The following PDE11A variants were observed in gnomAD, a reference collection of about 807,000 sequenced individuals.
The protein encoded by PDE11A is dual 3',5'-cyclic-AMP and -GMP phosphodiesterase 11A.
Under a neutral mutation model 100.5 loss-of-function variants are expected in PDE11A, and 100 were observed. The observed-to-expected ratio is 1.00, with a 90% CI of 0.85 to 1.18. The LOEUF (loss-of-function observed/expected upper bound fraction) is 1.18. Ranked by LOEUF, PDE11A falls within the 50% of genes most tolerant of loss-of-function variation. The probability of loss-of-function intolerance (pLI) is 0.00; values close to 1 mark genes in which losing one functional copy is unlikely to be tolerated. For synonymous variants in PDE11A, 381 were observed against 420.8 expected (o/e 0.91, Z 1.16); for missense variants, 1,141 against 1,152.6 (o/e 0.99, Z 0.15).
At chr2:177,982,213 G>C (rs1000059475) in intron 2 of PDE11A, among the ~76,000 whole-genome samples, 2 of 150,542 alleles carry the variant, frequency 1.3e-5, no homozygotes, top group Non-Finnish European at 1.5e-5. Context: ...TAAATGTCTT[G>C]AGTGAGTAAT....
chr2:177,958,684 C>T lies in PDE11A; in HGVS notation c.1072-53497G>A, dbSNP rs375011397. Among the ~76,000 whole-genome samples the T allele has an allele frequency of 1.5e-4, 23 of 152,248 alleles. No homozygotes were observed. The South Asian group carries it at 1.7e-3, about 11-fold the overall frequency. ...TTCACCAGAATCAAGCCTTAAGGAA[C>T]GGACATAATTCCTTAAACTGAGCAA... On this transcript the variant is annotated intron_variant, in intron 2 of 19. Transcript: ENST00000286063.
chr2:178,086,810 A>C (rs906264955), intron 2 of PDE11A, among the ~76,000 whole-genome samples: 4 of 152,214 alleles, frequency 2.6e-5, no homozygotes, highest in African/African-American at 9.6e-5. Flanking sequence ...GATTTTGTGA[A>C]ACCAGGACCC....
chr2:177,834,822 A>T (rs1032640819), intron 6 of PDE11A, among the ~76,000 whole-genome samples: 2 of 151,990 alleles, frequency 1.3e-5, no homozygotes, highest in Non-Finnish European at 2.9e-5. Context: ...AGCCTTGCAG[A>T]TATAGGGAGC....
chr2:177,801,455 C>A (rs1228043590), intron 9 of PDE11A, among the ~76,000 whole-genome samples: 4 of 152,026 alleles, frequency 2.6e-5, no homozygotes, highest in Non-Finnish European at 4.4e-5. Flanking sequence ...TAGACAACAA[C>A]AGAGATGGTT....
At chr2:177,933,684 T>A (rs893351562) in intron 2 of PDE11A, among the ~76,000 whole-genome samples, 2 of 151,600 alleles carry the variant, frequency 1.3e-5, no homozygotes, top group South Asian at 2.1e-4. Flanking sequence ...CCATAAAAAA[T>A]AAATAAATAA....
At chr2:177,718,145 T>A (rs976633948) in intron 12 of PDE11A, among the ~76,000 whole-genome samples, 1 of 152,254 alleles carries the variant, frequency 6.6e-6, no homozygotes, top group Non-Finnish European at 1.5e-5. Flanking sequence ...GTGCTTAGTA[T>A]ATGCCGGGCA....
At chr2:177,699,363 C>T (rs1182880511) in intron 14 of PDE11A, among the ~76,000 whole-genome samples, 1 of 152,172 alleles carries the variant, frequency 6.6e-6, no homozygotes, top group Admixed American at 6.5e-5. Context: ...GGACCACCGT[C>T]GCACCAATGT....
chr2:177,657,417 A>T (rs2080406095), intron 19 of PDE11A, among the ~76,000 whole-genome samples: 2 of 152,208 alleles, frequency 1.3e-5, no homozygotes, highest in African/African-American at 4.8e-5. Flanking sequence ...TCAGCTTTGA[A>T]AAAGAATAGC....
At position 178,094,935 on chromosome 2, in the gene PDE11A, C is replaced by T. The variant is rs151069850; in HGVS notation, c.162+9367G>A. Among the ~76,000 whole-genome samples, 589 of 152,268 alleles carry T rather than the reference C, an allele frequency of 3.9e-3. 7 individuals carry two copies. Among genetic ancestry groups the T allele is most frequent in the African/African-American group, 0.014 (568 of 41,556 alleles). Reference sequence around the variant, plus strand: ...GAGAACAGCATGGGGGAAACTGCCCCCATGATCCAATCACCTCCCACCAGG... The same window carrying T: ...GAGAACAGCATGGGGGAAACTGCCCTCATGATCCAATCACCTCCCACCAGG... On this transcript the variant is annotated intron_variant, in intron 2 of 20. Coordinates refer to the PDE11A transcript ENST00000358450.
chr2:177,966,772 A>T (rs1183725451), intron 2 of PDE11A, among the ~76,000 whole-genome samples: 1 of 151,978 alleles, frequency 6.6e-6, no homozygotes, highest in Non-Finnish European at 1.5e-5. Flanking sequence ...TTTTTTGAGA[A>T]TTTTTACATT....
At chr2:177,778,176 C>A (rs1472465965) in intron 9 of PDE11A, among the ~76,000 whole-genome samples, 1 of 152,204 alleles carries the variant, frequency 6.6e-6, no homozygotes, top group East Asian at 1.9e-4. Flanking sequence ...AAACAATGGG[C>A]AGAGCTATGA....
intron 9 of PDE11A, among the ~76,000 whole-genome samples, chr2:177,792,360 A>G (rs2082645076): frequency 6.6e-6 from 1 of 152,218 alleles, no homozygotes; most frequent in Non-Finnish European, 1.5e-5. Flanking sequence ...TATAACTTAT[A>G]TAACTAGAAC....
At chr2:178,089,832 GT>G (rs1388698650) in intron 2 of PDE11A, among the ~76,000 whole-genome samples, 2 of 152,166 alleles carry the variant, frequency 1.3e-5, no homozygotes, top group Non-Finnish European at 2.9e-5. Flanking sequence ...TGGTACCTGT[GT>G]TATCTGTTTC....
chr2:178,016,754 A>C (rs2086343838), intron 1 of PDE11A, among the ~76,000 whole-genome samples: 1 of 152,196 alleles, frequency 6.6e-6, no homozygotes, highest in Non-Finnish European at 1.5e-5. Flanking sequence ...AGATGAACCA[A>C]TACATATAAG....
chr2:177,834,081 T>C (rs1422874164), intron 6 of PDE11A, among the ~76,000 whole-genome samples: 1 of 152,178 alleles, frequency 6.6e-6, no homozygotes, highest in Non-Finnish European at 1.5e-5. Flanking sequence ...CAGGACCCCC[T>C]CTCTTTGCTG....
intron 2 of PDE11A, among the ~76,000 whole-genome samples, chr2:178,103,527 A>C (rs2087584392): frequency 6.6e-6 from 1 of 152,090 alleles, no homozygotes; most frequent in East Asian, 1.9e-4. Flanking sequence ...ATTTCACTTC[A>C]ATAAAAATAA....
chr2:177,736,398 C>A (rs533398310), intron 10 of PDE11A, among the ~76,000 whole-genome samples: 1 of 151,860 alleles, frequency 6.6e-6, no homozygotes, highest in Non-Finnish European at 1.5e-5. Context: ...GTGGTGGGCA[C>A]CTGTAATCCC....
At chr2:177,750,308 CAAT>C (rs1271219339) in intron 10 of PDE11A, among the ~76,000 whole-genome samples, 1 of 152,012 alleles carries the variant, frequency 6.6e-6, no homozygotes, top group East Asian at 1.9e-4. Flanking sequence ...GAAATACTGA[CAAT>C]AAAAAATGAA....
At position 178,096,164 on chromosome 2, in the gene PDE11A, C is replaced by CTTTTTTTTTTTTTTT. The variant is rs1257178630; in HGVS notation, c.162+8137_162+8138insAAAAAAAAAAAAAAA. 1.0e-3 allele frequency among the ~76,000 whole-genome samples: 110 copies of CTTTTTTTTTTTTTTT among 110,128 alleles called. 2 individuals are homozygous for CTTTTTTTTTTTTTTT. The highest frequency in any genetic ancestry group is 1.4e-3 in the Non-Finnish European group (72 of 50,536). The allele number at this position is 110,128 out of a possible 152,430, so 72.2% of individuals were successfully genotyped here. On this transcript the variant is annotated intron_variant, in intron 2 of 20. Transcript: ENST00000358450. Reference sequence around the variant, plus strand: ...TCCCCAGAAAACAGGTTTTTCTTTTCTTTTCTTTTTTTTTTTTGAGATGGA... The same window carrying CTTTTTTTTTTTTTTT: ...TCCCCAGAAAACAGGTTTTTCTTTTCTTTTTTTTTTTTTTTTTTTCTTTTTTTTTTTTGAGATGGA...
Sources: gnomAD v4.1 joint callset for allele counts (sites outside exome capture counted in the v4.1 genomes callset) on GRCh38, gnomAD v4.1.1 for gene constraint, MANE v1.5 for transcripts, NCBI Gene and HGNC (gene_info 2026-07-23, HGNC 2026-07-21) for gene names.